MYO1E: variants seen among roughly 807,000 people sequenced by gnomAD.
The protein encoded by MYO1E is unconventional myosin-Ie.
A neutral mutation model predicts 151.1 loss-of-function variants in MYO1E; 68 were observed. That is an observed-to-expected ratio of 0.45 (90% confidence interval 0.37 to 0.55). MYO1E has a LOEUF of 0.55. Ranked by LOEUF, MYO1E falls within the 20% of genes least tolerant of loss-of-function variation. The pLI is 0.00. For missense variants in MYO1E, 1,363 were observed against 1,389.3 expected (o/e 0.98, Z 0.30); for synonymous variants, 601 against 501.7 (o/e 1.20, Z -2.64).
chr15:59,248,127 CAAAAA>C (rs138467126), intron 4 of MYO1E, among the ~76,000 whole-genome samples: 2 of 35,890 alleles, frequency 5.6e-5, no homozygotes, highest in Non-Finnish European at 9.8e-5. Flanking sequence ...GACTCCGTCT[CAAAAA>C]AAAAAAAAAA....
chr15:59,224,052 C>T (rs1379892721), intron 8 of MYO1E, among the ~76,000 whole-genome samples: 4 of 152,218 alleles, frequency 2.6e-5, no homozygotes, highest in Non-Finnish European at 5.9e-5. Flanking sequence ...CAGCTTGAAA[C>T]AGACTCAAAG....
At chr15:59,336,136 T>C (rs2080726950) in intron 1 of MYO1E, among the ~76,000 whole-genome samples, 1 of 152,006 alleles carries the variant, frequency 6.6e-6, no homozygotes, top group African/African-American at 2.4e-5. Flanking sequence ...TTTGGGAGGC[T>C]GAAGCGGGCA....
intron 7 of MYO1E, among the ~76,000 whole-genome samples, chr15:59,226,480 ATTTTT>A (rs1200941236): frequency 2.6e-5 from 4 of 152,358 alleles, no homozygotes; most frequent in Non-Finnish European, 5.9e-5. Context: ...ACATCATTAT[ATTTTT>A]TAAGTACTTA....
chr15:59,229,932 A>G (rs1053697966), intron 6 of MYO1E, among the ~76,000 whole-genome samples: 1 of 152,140 alleles, frequency 6.6e-6, no homozygotes, highest in Non-Finnish European at 1.5e-5. Context: ...TTAATTTAAC[A>G]ATATATTATG....
intron 2 of MYO1E, among the ~76,000 whole-genome samples, chr15:59,262,110 G>C (rs1210512730): frequency 6.6e-6 from 1 of 152,122 alleles, no homozygotes; most frequent in Non-Finnish European, 1.5e-5. Flanking sequence ...AGGAGGCTGA[G>C]GCAGGAGAAT....
intron 15 of MYO1E, among the ~76,000 whole-genome samples, chr15:59,202,845 C>T (rs1055838692): frequency 3.3e-5 from 5 of 152,090 alleles, no homozygotes; most frequent in South Asian, 4.1e-4. Flanking sequence ...AGACTCAAGC[C>T]ATCTTCCCAC....
At chr15:59,313,289 C>G (rs1032836714) in intron 1 of MYO1E, among the ~76,000 whole-genome samples, 3 of 152,344 alleles carry the variant, frequency 2.0e-5, no homozygotes, top group Admixed American at 2.0e-4. Context: ...AACACACACA[C>G]AGACCAAATC....
rs1355870724 is a variant in MYO1E, at chr15:59,350,855, CTT to C, written c.3+21641_3+21642del. Among the ~76,000 whole-genome samples the C allele has an allele frequency of 6.8e-6, 1 of 146,018 alleles. No homozygotes were observed. Among genetic ancestry groups the C allele is most frequent in the Non-Finnish European group, 1.5e-5 (1 of 67,124 alleles). ...AATCAGAGGCTTCCAGGAAATGAGT[CTT>C]TATTTGTTGTTGTTGTTGTTTGTTT... On this transcript the variant is annotated intron_variant, in intron 1 of 27. Coordinates refer to ENST00000288235, the MANE Select transcript of MYO1E (RefSeq NM_004998.4). The surrounding 1 kb of genome is among the most constrained non-coding windows in gnomAD (Gnocchi z 5.0).
chr15:59,212,297 G>C (rs2079883993), intron 12 of MYO1E, among the ~76,000 whole-genome samples: 1 of 151,792 alleles, frequency 6.6e-6, no homozygotes, highest in African/African-American at 2.4e-5. Context: ...GGTTTCATGT[G>C]AACCTCTAGC....
Position 59,224,676 on chromosome 15 carries a change from C to T in MYO1E, c.777+13G>A, listed in dbSNP as rs2306781. Reference sequence around the variant, plus strand: ...GGAGAGCAGATCCTGCCTGGCCCTGCGCCAGCACTTACCAGAGTTTCCTGA... The same window carrying T: ...GGAGAGCAGATCCTGCCTGGCCCTGTGCCAGCACTTACCAGAGTTTCCTGA... On this transcript the variant is annotated intron_variant, in intron 8 of 27. Coordinates refer to ENST00000288235, the MANE Select transcript of MYO1E (RefSeq NM_004998.4). The T allele has an allele frequency of 0.18, 293,416 of 1,613,844 alleles. 36,985 individuals are homozygous for T. Among genetic ancestry groups the T allele is most frequent in the East Asian group, 0.6 (26,853 of 44,862 alleles).
At chr15:59,180,678 C>T (rs1266125302) in intron 18 of MYO1E, among the ~76,000 whole-genome samples, 1 of 151,944 alleles carries the variant, frequency 6.6e-6, no homozygotes, top group East Asian at 1.9e-4. Flanking sequence ...AAGCCTGATA[C>T]ATCCTCACCC....
chr15:59,214,143 T>C, intron 12 of MYO1E, 85 bp downstream of exon 12: 1 of 1,154,372 alleles, frequency 8.7e-7, no homozygotes, highest in South Asian at 1.5e-5. Context: ...GGAACCGAAA[T>C]CTATTAACAA....
At chr15:59,299,383 A>C (rs1349800745) in intron 1 of MYO1E, among the ~76,000 whole-genome samples, 1 of 152,066 alleles carries the variant, frequency 6.6e-6, no homozygotes, top group Non-Finnish European at 1.5e-5. Flanking sequence ...TAGCCGCCGC[A>C]CTCTTGTGGT....
At chr15:59,150,774 A>G (rs185086406) in intron 26 of MYO1E, among the ~76,000 whole-genome samples, 3 of 152,286 alleles carry the variant, frequency 2.0e-5, no homozygotes, top group Admixed American at 2.0e-4. Flanking sequence ...TGGTCCCTGG[A>G]TCAGAGCATC....
At chr15:59,328,683 T>C (rs1183354849) in intron 1 of MYO1E, among the ~76,000 whole-genome samples, 2 of 152,180 alleles carry the variant, frequency 1.3e-5, no homozygotes, top group Admixed American at 1.3e-4. Context: ...AGCTGTTCTG[T>C]GTGGAGGGGA....
chr15:59,153,353 G>C (rs2079492310), intron 26 of MYO1E, among the ~76,000 whole-genome samples: 1 of 152,162 alleles, frequency 6.6e-6, no homozygotes, highest in African/African-American at 2.4e-5. Flanking sequence ...GTCTTCTGAT[G>C]TTTCCAAGAT....
At chr15:59,261,928 G>A (rs961973863) in intron 2 of MYO1E, among the ~76,000 whole-genome samples, 2 of 152,158 alleles carry the variant, frequency 1.3e-5, no homozygotes, top group Admixed American at 6.5e-5. Context: ...TCAGCCGGGC[G>A]TGATGGCTCA....
chr15:59,347,463 T>C (rs547348699), intron 1 of MYO1E, among the ~76,000 whole-genome samples: 2 of 152,316 alleles, frequency 1.3e-5, no homozygotes, highest in African/African-American at 2.4e-5. Context: ...GATTTTCTTA[T>C]GGAACTTTGA....
chr15:59,193,543 T>C (rs2079747109), intron 17 of MYO1E, among the ~76,000 whole-genome samples: 1 of 152,234 alleles, frequency 6.6e-6, no homozygotes, highest in African/African-American at 2.4e-5. Context: ...GGAATGCTTA[T>C]ATTTCATGTC....
Sources: gnomAD v4.1 joint callset for allele counts (sites outside exome capture counted in the v4.1 genomes callset) on GRCh38, gnomAD v4.1.1 for gene constraint, Gnocchi (gnomAD v3.1) non-coding constraint, MANE v1.5 for transcripts, NCBI Gene and HGNC (gene_info 2026-07-23, HGNC 2026-07-21) for gene names.